The following ROBO1 variants were observed in gnomAD, a reference collection of about 807,000 sequenced individuals.
ROBO1 encodes roundabout homolog 1.
ROBO1 carries 149 observed loss-of-function variants against 195.9 expected under a neutral mutation model. The observed-to-expected ratio is 0.76, with a 90% CI of 0.67 to 0.87. The LOEUF (loss-of-function observed/expected upper bound fraction) is 0.87, where lower values mean the gene tolerates loss of function less well. ROBO1 is among the 40% of genes least tolerant of loss of function. ROBO1 has a pLI of 0.00. For synonymous variants in ROBO1, 816 were observed against 733.2 expected (o/e 1.11, Z -1.82); for missense variants, 1,933 against 2,068.3 (o/e 0.93, Z 1.27).
chr3:78,667,004 C>T (rs1575879425), intron 14 of ROBO1, among the ~76,000 whole-genome samples: 1 of 151,954 alleles, frequency 6.6e-6, no homozygotes, highest in Non-Finnish European at 1.5e-5. Context: ...AATATAAAAA[C>T]AAGCACATTT....
intron 2 of ROBO1, among the ~76,000 whole-genome samples, chr3:79,553,461 A>G (rs760511542): frequency 1.3e-5 from 2 of 152,096 alleles, no homozygotes; most frequent in Non-Finnish European, 2.9e-5. Flanking sequence ...AGTTTTCTCC[A>G]GAGTATGCAT....
intron 4 of ROBO1, among the ~76,000 whole-genome samples, chr3:78,818,997 T>C (rs1486396072): frequency 6.6e-6 from 1 of 152,214 alleles, no homozygotes; most frequent in African/African-American, 2.4e-5. Context: ...CATGAAGGTG[T>C]ATATACAGGA....
At chr3:79,352,912 ATATAAC>A (rs1440769910) in intron 2 of ROBO1, among the ~76,000 whole-genome samples, 1 of 152,216 alleles carries the variant, frequency 6.6e-6, no homozygotes, top group Non-Finnish European at 1.5e-5. Context: ...CTCAAACAGA[ATATAAC>A]TGTTGCACAT....
At chr3:79,471,158 A>T (rs1938250849) in intron 2 of ROBO1, among the ~76,000 whole-genome samples, 1 of 152,136 alleles carries the variant, frequency 6.6e-6, no homozygotes, top group African/African-American at 2.4e-5. Context: ...ATCAAATCAG[A>T]AATATCAAAG....
chr3:78,709,933 C>T (rs1001825203), intron 8 of ROBO1, among the ~76,000 whole-genome samples: 6 of 152,144 alleles, frequency 3.9e-5, no homozygotes, highest in Non-Finnish European at 8.8e-5. Flanking sequence ...CTTTTTGATT[C>T]ATTTTTCTTC....
At chr3:79,369,311 A>T (rs2036100312) in intron 2 of ROBO1, among the ~76,000 whole-genome samples, 2 of 152,204 alleles carry the variant, frequency 1.3e-5, no homozygotes, top group Non-Finnish European at 2.9e-5. Context: ...CTGTGGAAAA[A>T]ATAAACATGG....
chr3:79,557,764 ATT>A (rs1559991086), intron 2 of ROBO1, among the ~76,000 whole-genome samples: 1 of 143,500 alleles, frequency 7.0e-6, no homozygotes, highest in South Asian at 2.2e-4. Context: ...ATATATATAT[ATT>A]TTATTGCAAT....
chr3:79,314,988 C>T (rs932438064), intron 2 of ROBO1, among the ~76,000 whole-genome samples: 2 of 151,918 alleles, frequency 1.3e-5, no homozygotes, highest in African/African-American at 4.8e-5. Context: ...AAGTTCTCAC[C>T]GAAATGTCTT....
intron 4 of ROBO1, among the ~76,000 whole-genome samples, chr3:78,764,941 T>C (rs1410123435): frequency 6.6e-6 from 1 of 152,190 alleles, no homozygotes; most frequent in Admixed American, 6.5e-5. Context: ...GTGTGATTTT[T>C]TTAAGTAAAA....
intron 2 of ROBO1, among the ~76,000 whole-genome samples, chr3:79,244,012 G>T (rs1264640605): frequency 6.6e-6 from 1 of 152,086 alleles, no homozygotes; most frequent in African/African-American, 2.4e-5. Context: ...TTTCTATAAG[G>T]TGTAAGGAAG....
rs68145408 is a variant in ROBO1 at position 78,629,307 on chromosome 3, T to TTA, written c.3627-1739_3627-1738insTA. Among the ~76,000 whole-genome samples, 43 of 151,904 alleles carry TTA rather than the reference T, an allele frequency of 2.8e-4. 1 individual carries two copies. Among genetic ancestry groups the TTA allele is most frequent in the South Asian group, 1.5e-3 (7 of 4,800 alleles). On this transcript the variant is annotated intron_variant, in intron 25 of 30. Coordinates refer to ENST00000464233, the MANE Select transcript of ROBO1 (RefSeq NM_002941.4). ...TGCAGCTCCTATATTGCTTTTTTTT[T>TTA]AAAAAAAACCTATATTCACTTATTT...
At chr3:79,307,946 T>C (rs1413061547) in intron 2 of ROBO1, among the ~76,000 whole-genome samples, 1 of 152,174 alleles carries the variant, frequency 6.6e-6, no homozygotes, top group Admixed American at 6.5e-5. Context: ...TGAGCCTGAT[T>C]TAAATTTGTT....
At chr3:79,662,394 A>C (rs2106837131) in intron 1 of ROBO1, among the ~76,000 whole-genome samples, 1 of 152,156 alleles carries the variant, frequency 6.6e-6, no homozygotes, top group Admixed American at 6.6e-5. Context: ...GTTTTCTTTT[A>C]GATCATTAAA....
At chr3:78,727,864 C>T (rs986072650) in intron 5 of ROBO1, among the ~76,000 whole-genome samples, 4 of 151,830 alleles carry the variant, frequency 2.6e-5, no homozygotes, top group Admixed American at 1.3e-4. Context: ...AGTGTAAGAA[C>T]AAATTTCAAG....
chr3:79,247,111 T>A (rs1259818954), intron 2 of ROBO1, among the ~76,000 whole-genome samples: 1 of 150,294 alleles, frequency 6.7e-6, no homozygotes, highest in Non-Finnish European at 1.5e-5. Flanking sequence ...GAGAAAAGCA[T>A]TAAGGCTCCT....
chr3:79,112,594 C>T (rs1311868229), intron 3 of ROBO1, among the ~76,000 whole-genome samples: 1 of 152,176 alleles, frequency 6.6e-6, no homozygotes, highest in Non-Finnish European at 1.5e-5. Flanking sequence ...CAAATGAGTT[C>T]ATGTCCTTTG....
At chr3:79,157,421 G>C (rs576539709) in intron 2 of ROBO1, among the ~76,000 whole-genome samples, 8 of 151,918 alleles carry the variant, frequency 5.3e-5, no homozygotes, top group Non-Finnish European at 1.2e-4. Context: ...ATGTGGTCTT[G>C]TTTGCAGGCC....
chr3:78,774,185 T>C (rs1387084959), intron 4 of ROBO1, among the ~76,000 whole-genome samples: 10 of 152,200 alleles, frequency 6.6e-5, no homozygotes, highest in African/African-American at 2.4e-4. Context: ...TAAACTGCAA[T>C]AATCTAAAAT....
At chr3:79,345,235 G>A (rs1156531787) in intron 2 of ROBO1, among the ~76,000 whole-genome samples, 1 of 152,102 alleles carries the variant, frequency 6.6e-6, no homozygotes, top group East Asian at 1.9e-4. Flanking sequence ...ATATGCTTTG[G>A]ATTTGGACAG....
Sources: allele counts gnomAD v4.1 joint callset (sites outside exome capture counted in the v4.1 genomes callset), GRCh38; gene constraint gnomAD v4.1.1; transcripts MANE v1.5; gene names NCBI Gene and HGNC (gene_info 2026-07-23, HGNC 2026-07-21).